The following ROBO1 variants were observed in gnomAD, a reference collection of about 807,000 sequenced individuals.
ROBO1 encodes the protein roundabout homolog 1.
Under a neutral mutation model 195.9 loss-of-function variants are expected in ROBO1, and 149 were observed. The observed-to-expected ratio is 0.76, with a 90% CI of 0.67 to 0.87. ROBO1 has a LOEUF of 0.87. ROBO1 is among the 40% of genes least tolerant of loss of function. The pLI is 0.00. For synonymous variants in ROBO1, 816 were observed against 733.2 expected (o/e 1.11, Z -1.82); for missense variants, 1,933 against 2,068.3 (o/e 0.93, Z 1.27).
intron 3 of ROBO1, among the ~76,000 whole-genome samples, chr3:79,086,057 A>G (rs931462667): frequency 1.3e-5 from 2 of 152,154 alleles, no homozygotes; most frequent in Non-Finnish European, 2.9e-5. Flanking sequence ...AAAAAGATCA[A>G]TAGAATACCT....
chr3:78,792,878 T>A (rs2084064978), intron 4 of ROBO1, among the ~76,000 whole-genome samples: 1 of 152,032 alleles, frequency 6.6e-6, no homozygotes, highest in Non-Finnish European at 1.5e-5. Flanking sequence ...GGTGGGAGGA[T>A]CACTTGTGCT....
chr3:78,964,337 C>G (rs962794309), intron 3 of ROBO1, among the ~76,000 whole-genome samples: 3 of 152,052 alleles, frequency 2.0e-5, no homozygotes, highest in African/African-American at 7.2e-5. Context: ...AACCCGTAAC[C>G]ATAGGATAAG....
chr3:78,981,390 T>C (rs2076986977), intron 3 of ROBO1, among the ~76,000 whole-genome samples: 1 of 152,160 alleles, frequency 6.6e-6, no homozygotes, highest in African/African-American at 2.4e-5. Context: ...CCACATTCAC[T>C]ACACAAAACT....
intron 1 of ROBO1, among the ~76,000 whole-genome samples, chr3:79,595,227 A>G (rs968343789): frequency 1.9e-4 from 29 of 152,118 alleles, no homozygotes; most frequent in African/African-American, 7.0e-4. Context: ...TCTCAAAGAA[A>G]GGTTTGAAAA....
At chr3:79,165,439 A>C (rs2081047432) in intron 2 of ROBO1, among the ~76,000 whole-genome samples, 1 of 152,240 alleles carries the variant, frequency 6.6e-6, no homozygotes, top group African/African-American at 2.4e-5. Context: ...GAGTGAACTC[A>C]GTATCCCCTC....
At chr3:79,734,467 A>C (rs1703294741) in intron 1 of ROBO1, among the ~76,000 whole-genome samples, 1 of 152,156 alleles carries the variant, frequency 6.6e-6, no homozygotes, top group Non-Finnish European at 1.5e-5. Context: ...TTCCATCTCC[A>C]TTCCAACACT....
At chr3:78,825,336 G>A (rs577618678) in intron 4 of ROBO1, among the ~76,000 whole-genome samples, 3 of 152,046 alleles carry the variant, frequency 2.0e-5, no homozygotes, top group African/African-American at 7.2e-5. Flanking sequence ...AAATGAGCCT[G>A]GATTTCACCT....
chr3:78,769,619 T>TTTTTTTTTTTTTTTTTTG, intron 4 of ROBO1, among the ~76,000 whole-genome samples: 1 of 1,434 alleles, frequency 7.0e-4, no homozygotes, highest in Non-Finnish European at 1.8e-3. Context: ...TGTACTTTGG[T>TTTTTTTTTTTTTTTTTTG]TTTTTTTTTT....
chr3:78,639,661 C>T (rs73106134), intron 22 of ROBO1, 83 bp downstream of exon 22: 36,951 of 1,334,668 alleles, frequency 0.028, 564 homozygotes, highest in Middle Eastern at 0.051. Context: ...TTATCTTTCC[C>T]ATGTAGGGAG....
intron 3 of ROBO1, 44 bp from the exon 4 acceptor site, chr3:78,938,971 C>G (rs756667362): frequency 6.7e-6 from 10 of 1,482,156 alleles, no homozygotes; most frequent in African/African-American, 2.8e-5. Context: ...CACTTGAAAA[C>G]AGTTAATCGC....
At chr3:79,327,178 G>C (rs2109153578) in intron 2 of ROBO1, among the ~76,000 whole-genome samples, 1 of 152,088 alleles carries the variant, frequency 6.6e-6, no homozygotes, top group Middle Eastern at 3.4e-3. Flanking sequence ...TCAGGACTTT[G>C]CTTTCACTGA....
chr3:78,625,757 G>A (rs766929732), intron 26 of ROBO1, among the ~76,000 whole-genome samples: 1 of 152,158 alleles, frequency 6.6e-6, no homozygotes, highest in Non-Finnish European at 1.5e-5. Context: ...CTTTACATTT[G>A]ACCATTAGGA....
At chr3:78,825,169 A>G (rs974727250) in intron 4 of ROBO1, among the ~76,000 whole-genome samples, 12 of 152,210 alleles carry the variant, frequency 7.9e-5, no homozygotes, top group African/African-American at 2.9e-4. Flanking sequence ...AAAATACCCT[A>G]TATAGTTCCC....
intron 24 of ROBO1, among the ~76,000 whole-genome samples, chr3:78,632,646 T>G (rs1705252107): frequency 1.3e-5 from 2 of 152,162 alleles, no homozygotes; most frequent in Admixed American, 1.3e-4. Flanking sequence ...TTACCATATA[T>G]TCACAGAATA....
intron 26 of ROBO1, among the ~76,000 whole-genome samples, chr3:78,619,874 C>T (rs761264178): frequency 4.3e-4 from 65 of 151,240 alleles, no homozygotes; most frequent in Non-Finnish European, 7.7e-4. Flanking sequence ...AAAAATTAGC[C>T]GGGTGTGGTG....
At chr3:79,636,114 GTACTC>G (rs1945488280) in intron 1 of ROBO1, among the ~76,000 whole-genome samples, 1 of 152,050 alleles carries the variant, frequency 6.6e-6, no homozygotes, top group South Asian at 2.1e-4. Flanking sequence ...TATAAAATAA[GTACTC>G]TATAATTAAG....
At chr3:79,458,891 A>C (rs939927743) in intron 2 of ROBO1, among the ~76,000 whole-genome samples, 1 of 151,430 alleles carries the variant, frequency 6.6e-6, no homozygotes, top group Non-Finnish European at 1.5e-5. Context: ...CTTAAAAAGG[A>C]AAAAAAAATC....
At chr3:79,394,083 A>G (rs2037050535) in intron 2 of ROBO1, among the ~76,000 whole-genome samples, 1 of 152,168 alleles carries the variant, frequency 6.6e-6, no homozygotes. Flanking sequence ...GAAGCAAATC[A>G]AGAGAAATCA....
chr3:79,504,592 TTAGA>T (rs1278319587), intron 2 of ROBO1, among the ~76,000 whole-genome samples: 1 of 152,192 alleles, frequency 6.6e-6, no homozygotes, highest in African/African-American at 2.4e-5. Flanking sequence ...AACAATTATT[TTAGA>T]TAGCTCATTA....
Sources: allele counts gnomAD v4.1 joint callset (sites outside exome capture counted in the v4.1 genomes callset), GRCh38; gene constraint gnomAD v4.1.1; transcripts MANE v1.5; gene names NCBI Gene and HGNC (gene_info 2026-07-23, HGNC 2026-07-21).